WWOX: variants seen among roughly 807,000 people sequenced by gnomAD.
WWOX encodes the protein WW domain containing oxidoreductase.
Under a neutral mutation model 46.2 loss-of-function variants are expected in WWOX, and 69 were observed. The ratio of observed to expected loss-of-function variants is 1.49; its 90% confidence interval spans 1.23 to 1.82. The LOEUF (loss-of-function observed/expected upper bound fraction) is 1.82. Ranked by LOEUF, WWOX falls within the 40% of genes most tolerant of loss-of-function variation. The probability of loss-of-function intolerance (pLI) is 0.00; values close to 1 mark genes in which losing one functional copy is unlikely to be tolerated. For missense variants in WWOX, 919 were observed against 542.6 expected (o/e 1.69, Z -6.89); for synonymous variants, 359 against 202.6 (o/e 1.77, Z -6.56).
At chr16:78,196,337 T>C (rs186092350) in intron 5 of WWOX, among the ~76,000 whole-genome samples, 2 of 152,258 alleles carry the variant, frequency 1.3e-5, no homozygotes, top group African/African-American at 4.8e-5. Flanking sequence ...ATAATTCTGC[T>C]TATCTTTTCA....
At chr16:78,852,818 A>T (rs531228044) in intron 8 of WWOX, among the ~76,000 whole-genome samples, 1 of 152,348 alleles carries the variant, frequency 6.6e-6, no homozygotes, top group South Asian at 2.1e-4. Context: ...CTTGAGGTTA[A>T]AAATGTACAC....
At chr16:78,937,259 C>G (rs1476364494) in intron 8 of WWOX, among the ~76,000 whole-genome samples, 1 of 151,954 alleles carries the variant, frequency 6.6e-6, no homozygotes, top group Non-Finnish European at 1.5e-5. Context: ...TGAAAGTGAC[C>G]CAAATAATAC....
chr16:78,727,465 C>A lies in WWOX; in HGVS notation c.1056+294713C>A, dbSNP rs750327355. On this transcript the variant is annotated intron_variant, in intron 8 of 8. Transcript: ENST00000566780. ...TGGTCCTGGTGATCTGAATACATCA[C>A]CACAGAACTGCCAGGGTACGTGTTT... is the stretch of plus-strand genomic sequence containing the variant. Among the ~76,000 whole-genome samples, 38 of 152,110 alleles carry A rather than the reference C, an allele frequency of 2.5e-4. 1 individual carries two copies. The highest frequency in any genetic ancestry group is 4.3e-4 in the Non-Finnish European group (29 of 68,022).
intron 8 of WWOX, among the ~76,000 whole-genome samples, chr16:78,877,667 T>C (rs1487559413): frequency 6.6e-6 from 1 of 152,212 alleles, no homozygotes; most frequent in Non-Finnish European, 1.5e-5. Flanking sequence ...TCTCCTATTC[T>C]CTAGAAGAAT....
intron 8 of WWOX, among the ~76,000 whole-genome samples, chr16:79,082,004 A>G (rs765354130): frequency 5.9e-5 from 9 of 152,208 alleles, no homozygotes; most frequent in Non-Finnish European, 8.8e-5. Context: ...ACCACTCGTG[A>G]GAAATTCTGT....
At chr16:78,789,712 AT>A (rs975958617) in intron 8 of WWOX, among the ~76,000 whole-genome samples, 1 of 152,160 alleles carries the variant, frequency 6.6e-6, no homozygotes. Context: ...TGGCTTGCAT[AT>A]TTTTTGAACA....
At chr16:78,911,452 A>G (rs1214979710) in intron 8 of WWOX, among the ~76,000 whole-genome samples, 1 of 152,074 alleles carries the variant, frequency 6.6e-6, no homozygotes, top group Non-Finnish European at 1.5e-5. Flanking sequence ...TTAAAGTGCT[A>G]GAAATGATAA....
At chr16:79,038,901 A>G (rs575150866) in intron 8 of WWOX, among the ~76,000 whole-genome samples, 1 of 152,230 alleles carries the variant, frequency 6.6e-6, no homozygotes, top group African/African-American at 2.4e-5. Context: ...GATGTAAAGC[A>G]TACATAGAGG....
chr16:79,044,619 C>T (rs576845374), intron 8 of WWOX, among the ~76,000 whole-genome samples: 1 of 152,344 alleles, frequency 6.6e-6, no homozygotes, highest in East Asian at 1.9e-4. Context: ...CCTGTACAGC[C>T]TGTGGAACTA....
intron 8 of WWOX, among the ~76,000 whole-genome samples, chr16:78,468,917 C>G (rs1447529993): frequency 6.6e-6 from 1 of 152,226 alleles, no homozygotes; most frequent in Admixed American, 6.5e-5. Flanking sequence ...GTAACCCCCT[C>G]TACCCCAAAA....
At chr16:78,605,792 G>A (rs780768662) in intron 8 of WWOX, among the ~76,000 whole-genome samples, 7 of 152,144 alleles carry the variant, frequency 4.6e-5, no homozygotes, top group Admixed American at 1.3e-4. Context: ...CAATGTTGGG[G>A]CACTCATGGT....
chr16:78,538,738 A>G (rs1251170852), intron 8 of WWOX, among the ~76,000 whole-genome samples: 1 of 152,178 alleles, frequency 6.6e-6, no homozygotes, highest in African/African-American at 2.4e-5. Context: ...TAATACCAGC[A>G]TCTGATTTTA....
chr16:78,973,559 T>C (rs560671619), intron 8 of WWOX, among the ~76,000 whole-genome samples: 7 of 152,298 alleles, frequency 4.6e-5, no homozygotes, highest in African/African-American at 1.2e-4. Context: ...CTTTCTTTTT[T>C]TGGGGGCAGG....
At chr16:78,632,097 G>T (rs1050646649) in intron 8 of WWOX, among the ~76,000 whole-genome samples, 3 of 152,074 alleles carry the variant, frequency 2.0e-5, no homozygotes, top group Admixed American at 6.6e-5. Flanking sequence ...TAGCAAATTC[G>T]CAAGGAGCTG....
intron 8 of WWOX, among the ~76,000 whole-genome samples, chr16:79,166,302 G>C: frequency 6.6e-6 from 1 of 152,096 alleles, no homozygotes; most frequent in East Asian, 1.9e-4. Flanking sequence ...GCTTTTCCAG[G>C]CCTTAATTTC....
chr16:78,738,197 A>G (rs1394789153), intron 8 of WWOX, among the ~76,000 whole-genome samples: 2 of 152,178 alleles, frequency 1.3e-5, no homozygotes, highest in Non-Finnish European at 2.9e-5. Context: ...GTTGTTACTG[A>G]GAGGAGACTG....
chr16:78,704,613 A>G (rs570379207), intron 8 of WWOX, among the ~76,000 whole-genome samples: 2 of 152,222 alleles, frequency 1.3e-5, no homozygotes, highest in Admixed American at 6.5e-5. Context: ...ACAAGTGGTT[A>G]AAATTAGTCA....
chr16:78,118,586 A>G (rs1162824909), intron 4 of WWOX, among the ~76,000 whole-genome samples: 1 of 152,178 alleles, frequency 6.6e-6, no homozygotes, highest in Non-Finnish European at 1.5e-5. Flanking sequence ...ATATTCAGTT[A>G]TCCCAAAATA....
intron 8 of WWOX, among the ~76,000 whole-genome samples, chr16:79,083,968 G>C (rs975883309): frequency 3.3e-5 from 5 of 152,084 alleles, no homozygotes; most frequent in African/African-American, 1.2e-4. Flanking sequence ...TCTGACTCCC[G>C]ATCGGAGCCC....
Sources: allele counts gnomAD v4.1 joint callset (sites outside exome capture counted in the v4.1 genomes callset), GRCh38; gene constraint gnomAD v4.1.1; transcripts MANE v1.5; gene names NCBI Gene and HGNC (gene_info 2026-07-23, HGNC 2026-07-21).